Variants in AKAP6 observed in about 807,000 individuals in gnomAD.
The protein encoded by AKAP6 is A-kinase anchoring protein 6.
Under a neutral mutation model 188.5 loss-of-function variants are expected in AKAP6, and 58 were observed. The ratio of observed to expected loss-of-function variants is 0.31; its 90% confidence interval spans 0.25 to 0.38. The LOEUF (loss-of-function observed/expected upper bound fraction) is 0.38. Among genes scored for constraint, AKAP6 ranks in the 10% least tolerant of loss-of-function variants. The pLI is 1.00. For missense variants in AKAP6, 2,710 were observed against 2,740.0 expected (o/e 0.99, Z 0.24); for synonymous variants, 989 against 998.6 (o/e 0.99, Z 0.18).
chr14:32,645,924 A>G (rs947430190), intron 7 of AKAP6, among the ~76,000 whole-genome samples: 1 of 152,154 alleles, frequency 6.6e-6, no homozygotes, highest in South Asian at 2.1e-4. Context: ...GAAAGCATTG[A>G]TTATATGAAA....
intron 4 of AKAP6, among the ~76,000 whole-genome samples, chr14:32,551,197 T>A (rs1013699170): frequency 2.6e-5 from 4 of 152,188 alleles, no homozygotes; most frequent in Admixed American, 2.6e-4. Context: ...GCAGATGCCC[T>A]CATTTATAAT....
intron 11 of AKAP6, among the ~76,000 whole-genome samples, chr14:32,753,855 C>G (rs932833859): frequency 2.0e-5 from 3 of 151,922 alleles, no homozygotes; most frequent in Admixed American, 6.6e-5. Flanking sequence ...TTTTGGGGCT[C>G]TCTCTTCTGT....
chr14:32,500,888 A>C (rs1000641031), intron 2 of AKAP6, among the ~76,000 whole-genome samples: 7 of 152,056 alleles, frequency 4.6e-5, no homozygotes. Context: ...CCTTTACCTT[A>C]ACTGGGGCAG....
At chr14:32,683,774 T>C (rs1359024594) in intron 8 of AKAP6, among the ~76,000 whole-genome samples, 1 of 152,192 alleles carries the variant, frequency 6.6e-6, no homozygotes, top group Non-Finnish European at 1.5e-5. Context: ...ATTGGTAGTT[T>C]GCAACAATTA....
At position 32,413,103 on chromosome 14, in the gene AKAP6, A is replaced by G. The variant is rs1482995819; in HGVS notation, c.-34-20357A>G. 5.9e-5 allele frequency among the ~76,000 whole-genome samples: 9 copies of G among 152,164 alleles called. No individual in the cohort carries two copies. The East Asian group carries it at 1.7e-3, about 29-fold the overall frequency. On this transcript the variant is annotated intron_variant, in intron 1 of 13. Transcript: ENST00000280979. The stretch of plus-strand genomic sequence containing the variant: ...AACAGTATGTTATCTTTATCACCAA[A>G]AGATGTTATGTAAGAATAGCATCAG...
intron 4 of AKAP6, 61 bp from the exon 5 acceptor site, chr14:32,577,059 G>A (rs565631168): frequency 1.3e-6 from 2 of 1,562,264 alleles, no homozygotes; most frequent in Non-Finnish European, 1.7e-6. Context: ...GCTTTTTACA[G>A]AATAACCAAC....
intron 1 of AKAP6, among the ~76,000 whole-genome samples, chr14:32,415,637 T>A (rs980258597): frequency 6.6e-6 from 1 of 152,164 alleles, no homozygotes; most frequent in African/African-American, 2.4e-5. Flanking sequence ...TCTTCATGGC[T>A]TGTTTCATCT....
At chr14:32,585,955 A>G (rs1176737057) in intron 5 of AKAP6, among the ~76,000 whole-genome samples, 5 of 152,078 alleles carry the variant, frequency 3.3e-5, no homozygotes, top group Non-Finnish European at 1.5e-5. Flanking sequence ...AATGGATTAA[A>G]CTTTCCTCTG....
chr14:32,659,536 A>G (rs1281791547), intron 7 of AKAP6, among the ~76,000 whole-genome samples: 1 of 152,042 alleles, frequency 6.6e-6, no homozygotes, highest in Non-Finnish European at 1.5e-5. Flanking sequence ...TAATTAATTA[A>G]AAATATAGAT....
intron 8 of AKAP6, among the ~76,000 whole-genome samples, chr14:32,680,646 T>C (rs1300983347): frequency 6.6e-6 from 1 of 152,204 alleles, no homozygotes; most frequent in Admixed American, 6.5e-5. Context: ...AAAAAGATTA[T>C]ATGTACTAAT....
At chr14:32,659,179 A>G (rs1224932726) in intron 7 of AKAP6, among the ~76,000 whole-genome samples, 1 of 152,164 alleles carries the variant, frequency 6.6e-6, no homozygotes, top group Non-Finnish European at 1.5e-5. Context: ...GGCTGCTCCA[A>G]GTAAAACATG....
chr14:32,709,840 G>A (rs1466453914), intron 9 of AKAP6, among the ~76,000 whole-genome samples: 3 of 151,940 alleles, frequency 2.0e-5, no homozygotes, highest in African/African-American at 7.2e-5. Flanking sequence ...TCAAGCTTTT[G>A]CAGTTTCAAG....
At chr14:32,445,267 C>T (rs1414863524) in intron 2 of AKAP6, among the ~76,000 whole-genome samples, 1 of 152,136 alleles carries the variant, frequency 6.6e-6, no homozygotes, top group Non-Finnish European at 1.5e-5. Flanking sequence ...CCAAACTTCT[C>T]TGCCTGGAAA....
At chr14:32,569,556 G>C (rs1461179608) in intron 4 of AKAP6, among the ~76,000 whole-genome samples, 1 of 152,122 alleles carries the variant, frequency 6.6e-6, no homozygotes, top group Non-Finnish European at 1.5e-5. Flanking sequence ...TAAGTATATA[G>C]TTAGTTGGTT....
intron 12 of AKAP6, among the ~76,000 whole-genome samples, chr14:32,789,483 A>AG (rs1323687878): frequency 6.6e-6 from 1 of 152,202 alleles, no homozygotes; most frequent in East Asian, 1.9e-4. Context: ...GGCCGGCAAC[A>AG]GGTCAGTACC....
chr14:32,331,396 GGT>G (rs1886528693), intron 1 of AKAP6, among the ~76,000 whole-genome samples: 1 of 151,944 alleles, frequency 6.6e-6, no homozygotes, highest in Admixed American at 6.6e-5. Flanking sequence ...GGCGCTGGTG[GGT>G]GTGGACTGAC....
chr14:32,458,356 G>A (rs1322573531), intron 2 of AKAP6, among the ~76,000 whole-genome samples: 2 of 151,968 alleles, frequency 1.3e-5, no homozygotes, highest in African/African-American at 4.8e-5. Flanking sequence ...GTAAAGTAAG[G>A]ATAAATACTG....
At chr14:32,540,192 A>ATATATATATATTTTTT (rs1406480125) in intron 3 of AKAP6, among the ~76,000 whole-genome samples, 25 of 123,422 alleles carry the variant, frequency 2.0e-4, no homozygotes, top group South Asian at 5.3e-4. Context: ...ATATATATAT[A>ATATATATATATTTTTT]TTTTAATTTT....
At position 32,408,748 on chromosome 14, in the gene AKAP6, C is replaced by T. The variant is rs17098992; in HGVS notation, c.-34-24712C>T. Among the ~76,000 whole-genome samples, 1,253 of 151,590 alleles carry T rather than the reference C, an allele frequency of 8.3e-3. 14 individuals are homozygous for T. Among genetic ancestry groups the T allele is most frequent in the African/African-American group, 0.029 (1,189 of 41,270 alleles). On this transcript the variant is annotated intron_variant, in intron 1 of 13. Coordinates refer to ENST00000280979, the MANE Select transcript of AKAP6 (RefSeq NM_004274.5). ...GTAGGGAAGGTAGATGATCTTTGTG[C>T]CTTCACTCTAATGGTCTTGGAGTAG... is the stretch of plus-strand genomic sequence containing the variant.
Sources: allele counts gnomAD v4.1 joint callset (sites outside exome capture counted in the v4.1 genomes callset), GRCh38; gene constraint gnomAD v4.1.1; transcripts MANE v1.5; gene names NCBI Gene and HGNC (gene_info 2026-07-23, HGNC 2026-07-21).